The following ALDH4A1 variants were observed in gnomAD, a reference collection of about 807,000 sequenced individuals.
The protein encoded by ALDH4A1 is delta-1-pyrroline-5-carboxylate dehydrogenase, mitochondrial.
In ALDH4A1, 46 loss-of-function variants were observed where a neutral mutation model predicts 70.5. That is an observed-to-expected ratio of 0.65 (90% CI 0.51 to 0.83). ALDH4A1 has a LOEUF of 0.83. Ranked by LOEUF, ALDH4A1 falls within the 40% of genes least tolerant of loss-of-function variation. ALDH4A1 has a pLI of 0.00. For missense variants in ALDH4A1, 749 were observed against 766.5 expected, an observed-to-expected ratio of 0.98 and a Z score of 0.27; for synonymous variants, 323 against 324.3, an observed-to-expected ratio of 1.00 and a Z score of 0.04.
In ALDH4A1 at chr1:18,872,966, A is replaced by G; in HGVS notation, c.1580-9T>C. The G allele has an allele frequency of 6.2e-7, 1 of 1,611,806 alleles. No homozygotes were observed. Among genetic ancestry groups the G allele is most frequent in the South Asian group, 1.1e-5 (1 of 91,050 alleles). On this transcript the variant is annotated splice_polypyrimidine_tract_variant and intron_variant, in intron 14 of 14. Transcript: ENST00000375341. ...TGGCTTGTCATTGGTTCCTGCGGAA[A>G]AGACACTTCTGTTTTTCTCTGAAAA...
intron 14 of ALDH4A1, 85 bp downstream of exon 14, chr1:18,874,378 T>C (rs1934577234): frequency 2.4e-6 from 3 of 1,270,704 alleles, no homozygotes; most frequent in Non-Finnish European, 2.3e-6. Context: ...GTATCCTTCC[T>C]ATTACTCTGA....
At position 18,886,468 on chromosome 1, in the gene ALDH4A1, T is replaced by A. The variant is rs767488436; in HGVS notation, c.293A>T (p.Asp98Val). Residue 98 changes from aspartate to valine, a missense_variant, in exon 4 of 15, where the codon GAC becomes GTC. Coordinates refer to ENST00000375341, the MANE Select transcript of ALDH4A1 (RefSeq NM_003748.4). Reference protein sequence around the residue: ...GHKVAKFCYADKSLLNKAIEA... With the variant: ...GHKVAKFCYAVKSLLNKAIEA... Reference sequence around the variant, plus strand: ...CAGGCACACAGGCTCACTCACCTTGTCTGCATAACAGAACTTGGCCACCTT... The same window carrying A: ...CAGGCACACAGGCTCACTCACCTTGACTGCATAACAGAACTTGGCCACCTT... 1 of 1,614,158 alleles carries A rather than the reference T, an allele frequency of 6.2e-7. No homozygotes were observed. Among genetic ancestry groups the A allele is most frequent in the South Asian group, 1.1e-5 (1 of 91,082 alleles).
At chr1:18,889,892 G>C (rs1258372253) in intron 2 of ALDH4A1, 120 bp downstream of exon 2, 2 of 909,480 alleles carry the variant, frequency 2.2e-6, no homozygotes, top group Admixed American at 2.3e-5. Flanking sequence ...TCCACCCAAG[G>C]CTGGGAGCAA....
intron 13 of ALDH4A1, 45 bp downstream of exon 13, chr1:18,875,337 A>G: frequency 6.2e-7 from 1 of 1,613,532 alleles, no homozygotes; most frequent in Non-Finnish European, 8.5e-7. Flanking sequence ...GGACACGGAC[A>G]GGACACCCGG....
intron 1 of ALDH4A1, chr1:18,897,049 C>T (rs776363966): frequency 7.5e-6 from 4 of 533,934 alleles, no homozygotes; most frequent in Middle Eastern, 3.2e-4. Flanking sequence ...ACCACATAAG[C>T]GTATGAGGAA....
In ALDH4A1 at chr1:18,898,166, T is replaced by C. The variant is rs868299879; in HGVS notation, c.62+4296A>G. Among the ~76,000 whole-genome samples, 5 of 149,238 alleles carry C rather than the reference T, an allele frequency of 3.4e-5. No homozygotes were observed. The Middle Eastern group carries it at 0.01, about 305-fold the overall frequency. ...CCCCGTCTCTACGAAAAAAAAAAAATACAAAAATTAGCTGGGTATGGTGAT... is the reference window on the plus strand; with the variant it reads ...CCCCGTCTCTACGAAAAAAAAAAAACACAAAAATTAGCTGGGTATGGTGAT... On this transcript the variant is annotated intron_variant, in intron 1 of 14. Coordinates refer to ENST00000375341, the MANE Select transcript of ALDH4A1 (RefSeq NM_003748.4). This position sits in a 1 kb window ranked among gnomAD's most constrained non-coding sequence, Gnocchi z 4.3.
intron 1 of ALDH4A1, among the ~76,000 whole-genome samples, chr1:18,894,937 G>A (rs28715641): frequency 0.013 from 1,960 of 147,186 alleles, 31 homozygotes; most frequent in Non-Finnish European, 0.022. Context: ...CTGGCTGCTC[G>A]GGTGAAGGCA....
chr1:18,897,956 TG>T (rs1004196082), intron 1 of ALDH4A1, among the ~76,000 whole-genome samples: 1 of 152,152 alleles, frequency 6.6e-6, no homozygotes, highest in African/African-American at 2.4e-5. Context: ...AGGGAAGGTT[TG>T]GGGATTAAGG....
At chr1:18,885,306 GT>G (rs1198157898) in intron 5 of ALDH4A1, 166 bp downstream of exon 5, 2 of 667,296 alleles carry the variant, frequency 3.0e-6, no homozygotes, top group Non-Finnish European at 5.1e-6. Context: ...CTAATAATCT[GT>G]GATCATCCAT....
At chr1:18,889,849 T>A (rs1037400900) in intron 2 of ALDH4A1, among the ~76,000 whole-genome samples, 163 bp downstream of exon 2, 15 of 152,268 alleles carry the variant, frequency 9.9e-5, no homozygotes, top group African/African-American at 3.6e-4. Context: ...TCCCAGCTGT[T>A]CCCACACTCC....
rs761152827 is a variant in ALDH4A1, at chr1:18,872,922, G to A, written c.1615C>T (p.Leu539=). The part of the protein sequence containing the change: ...NDKPGGPHYI[L]RWTSPQVIKE... ...ATGACCTGCGGCGACGTCCAGCGCA[G>A]GATGTAGTGTGGGCCCCCTGGCTTG... Residue 539 remains leucine, a synonymous_variant, in exon 15 of 15, where the codon CTG becomes TTG. Coordinates refer to ENST00000375341, the MANE Select transcript of ALDH4A1 (RefSeq NM_003748.4). The A allele has an allele frequency of 6.2e-7, 1 of 1,614,114 alleles. No individual in the cohort carries two copies. The highest frequency in any genetic ancestry group is 1.1e-5 in the South Asian group (1 of 91,090).
intron 7 of ALDH4A1, chr1:18,882,736 G>A: frequency 3.5e-6 from 2 of 570,002 alleles, no homozygotes; most frequent in Non-Finnish European, 3.5e-6. Flanking sequence ...CACGTGGTGA[G>A]CACTGAAGGT....
chr1:18,889,954 G>T, intron 2 of ALDH4A1, 58 bp downstream of exon 2: 1 of 1,407,242 alleles, frequency 7.1e-7, no homozygotes. Flanking sequence ...CAGGGCTGCT[G>T]GGGATGGCCT....
At position 18,890,114 on chromosome 1, in the gene ALDH4A1, C is replaced by T; in HGVS notation, c.63-9G>A. 1 of 1,607,210 alleles carries T rather than the reference C, an allele frequency of 6.2e-7. No individual in the cohort carries two copies. Among genetic ancestry groups the T allele is most frequent in the Non-Finnish European group, 8.5e-7 (1 of 1,176,626 alleles). On this transcript the variant is annotated splice_polypyrimidine_tract_variant and intron_variant, in intron 1 of 14. Coordinates refer to ENST00000375341, the MANE Select transcript of ALDH4A1 (RefSeq NM_003748.4). The stretch of plus-strand genomic sequence containing the variant: ...TGTGCTTCCACCGCAGGCTGGAACA[C>T]AAGGGCAGGGGACAGAGGCAGAGAG...
intron 1 of ALDH4A1, among the ~76,000 whole-genome samples, chr1:18,893,975 A>T (rs941887526): frequency 6.6e-6 from 1 of 152,206 alleles, no homozygotes; most frequent in Admixed American, 6.5e-5. Context: ...CGAATAAACT[A>T]CTTAATCCTT....
intron 1 of ALDH4A1, among the ~76,000 whole-genome samples, chr1:18,895,500 C>T (rs1269820924): frequency 6.6e-6 from 1 of 152,188 alleles, no homozygotes; most frequent in Non-Finnish European, 1.5e-5. Context: ...TCCATGAAGG[C>T]CATGCACCAT....
At chr1:18,873,646 G>C (rs920300081) in intron 14 of ALDH4A1, among the ~76,000 whole-genome samples, 2 of 152,200 alleles carry the variant, frequency 1.3e-5, no homozygotes, top group African/African-American at 2.4e-5. Flanking sequence ...ACATGCCAAG[G>C]GGGTGGCACA....
At chr1:18,901,872 T>C (rs1201606534) in intron 1 of ALDH4A1, among the ~76,000 whole-genome samples, 1 of 146,898 alleles carries the variant, frequency 6.8e-6, no homozygotes, top group Non-Finnish European at 1.5e-5. Flanking sequence ...ACTCTATAAA[T>C]ATGATTATTC....
chr1:18,882,066 C>T (rs1309483711), intron 7 of ALDH4A1, among the ~76,000 whole-genome samples, 179 bp from the exon 8 acceptor site: 1 of 152,186 alleles, frequency 6.6e-6, no homozygotes. Context: ...CCAAAAGTCC[C>T]TGCCAAGGAG....
Sources: allele counts gnomAD v4.1 joint callset (sites outside exome capture counted in the v4.1 genomes callset), GRCh38; gene constraint gnomAD v4.1.1; non-coding constraint Gnocchi (gnomAD v3.1); transcripts MANE v1.5; gene names NCBI Gene and HGNC (gene_info 2026-07-23, HGNC 2026-07-21).